AVEN: variants seen among roughly 807,000 people sequenced by gnomAD.
AVEN encodes cell death regulator Aven.
In AVEN, 41 loss-of-function variants were observed where a neutral mutation model predicts 38.1. The observed-to-expected ratio is 1.08, with a 90% CI of 0.84 to 1.40. AVEN has a LOEUF of 1.40. Among genes scored for constraint, AVEN ranks in the 40% most tolerant of loss-of-function variants. The pLI, the probability that AVEN is intolerant of heterozygous loss-of-function variation, is 0.00. For synonymous variants in AVEN, 206 were observed against 171.8 expected (o/e 1.20, Z -1.56); for missense variants, 605 against 438.8 (o/e 1.38, Z -3.38).
chr15:34,038,891 GCCCCGGCGTCCGCCTCCGT>G lies in AVEN; in HGVS notation c.137_155del (p.Asp46AlafsTer158). Reference sequence around the variant, plus strand: ...CGCGGAAGCCCCGGCCACGGCCACGGCCCCGGCGTCCGCCTCCGTCCCCGCCGCCGCCTCCGCCGCCGCC... The same window carrying G: ...CGCGGAAGCCCCGGCCACGGCCACGGCCCCGCCGCCGCCTCCGCCGCCGCC... On this transcript the variant is annotated frameshift_variant, in exon 1 of 6. Coordinates refer to ENST00000306730, the MANE Select transcript of AVEN (RefSeq NM_020371.3). LOFTEE classifies it high-confidence loss of function. 1.8e-6 allele frequency: 2 copies of G among 1,135,900 alleles called. No homozygotes were observed. Among genetic ancestry groups the G allele is most frequent in the East Asian group, 4.9e-5 (1 of 20,400 alleles). The allele number at this position is 1,135,900 out of a possible 1,614,324, so 70.4% of individuals were successfully genotyped here.
intron 2 of AVEN, among the ~76,000 whole-genome samples, chr15:33,911,495 G>T (rs1892918014): frequency 6.6e-6 from 1 of 152,106 alleles, no homozygotes; most frequent in Non-Finnish European, 1.5e-5. Flanking sequence ...TAGAAATAAT[G>T]CAATGCCCGG....
At chr15:34,030,075 G>A (rs1050117241) in intron 1 of AVEN, among the ~76,000 whole-genome samples, 1 of 152,006 alleles carries the variant, frequency 6.6e-6, no homozygotes, top group African/African-American at 2.4e-5. Context: ...CCAACATGGT[G>A]CGACCCCATC....
At chr15:34,019,558 C>A (rs186812223) in intron 1 of AVEN, among the ~76,000 whole-genome samples, 2 of 152,340 alleles carry the variant, frequency 1.3e-5, no homozygotes, top group Non-Finnish European at 2.9e-5. Context: ...TCACTCAGAG[C>A]AACTTTCAGT....
intron 2 of AVEN, among the ~76,000 whole-genome samples, chr15:33,911,133 C>A (rs1892902205): frequency 6.6e-6 from 1 of 152,256 alleles, no homozygotes; most frequent in South Asian, 2.1e-4. Flanking sequence ...TTATTCCTCT[C>A]AAGACCAACT....
chr15:33,915,728 G>C (rs1893111595), intron 2 of AVEN, among the ~76,000 whole-genome samples: 1 of 152,214 alleles, frequency 6.6e-6, no homozygotes, highest in African/African-American at 2.4e-5. Flanking sequence ...ACAGCAGGTG[G>C]GGAGGCCTGA....
chr15:34,003,003 A>C (rs1897196797), intron 2 of AVEN, 29 bp downstream of exon 2: 2 of 1,584,084 alleles, frequency 1.3e-6, no homozygotes, highest in Non-Finnish European at 1.7e-6. Flanking sequence ...CAGAGCACTA[A>C]ACAGTATGCA....
At chr15:34,013,248 G>C (rs1897716402) in intron 1 of AVEN, among the ~76,000 whole-genome samples, 1 of 152,146 alleles carries the variant, frequency 6.6e-6, no homozygotes, top group South Asian at 2.1e-4. Context: ...TTTTAGCAGA[G>C]GTGGGGTTTC....
At chr15:33,860,305 C>G (rs2080203780) in intron 11 of AVEN, among the ~76,000 whole-genome samples, 1 of 151,882 alleles carries the variant, frequency 6.6e-6, no homozygotes, top group Non-Finnish European at 1.5e-5. Context: ...AGACTGAACA[C>G]AAATAGCTAA....
chr15:33,869,990 T>G (rs988060370), intron 4 of AVEN, among the ~76,000 whole-genome samples: 5 of 152,178 alleles, frequency 3.3e-5, no homozygotes, highest in Admixed American at 6.5e-5. Flanking sequence ...TTCAGTTGAC[T>G]GTTATTTCCA....
At chr15:34,020,468 T>C (rs1898155738) in intron 1 of AVEN, among the ~76,000 whole-genome samples, 1 of 152,230 alleles carries the variant, frequency 6.6e-6, no homozygotes, top group Non-Finnish European at 1.5e-5. Flanking sequence ...TCTTAAAGCA[T>C]GTAGATCATC....
chr15:33,937,875 A>T (rs998229695), intron 2 of AVEN, among the ~76,000 whole-genome samples: 1 of 139,214 alleles, frequency 7.2e-6, no homozygotes, highest in South Asian at 2.4e-4. Context: ...CTGTTGTTTA[A>T]GTCATCCAGT....
intron 2 of AVEN, among the ~76,000 whole-genome samples, chr15:33,963,320 TCCAAGAGGA>T (rs1431410106): frequency 6.6e-6 from 1 of 152,158 alleles, no homozygotes; most frequent in Non-Finnish European, 1.5e-5. Context: ...AGACAAGAGA[TCCAAGAGGA>T]AGATAGATCC....
At chr15:33,971,802 G>A (rs926921925) in intron 2 of AVEN, among the ~76,000 whole-genome samples, 1 of 151,906 alleles carries the variant, frequency 6.6e-6, no homozygotes, top group Non-Finnish European at 1.5e-5. Flanking sequence ...TCCTTATTAT[G>A]GTTAATTTTC....
chr15:34,042,861 C>T (rs931871589), upstream of AVEN, among the ~76,000 whole-genome samples: 3 of 152,094 alleles, frequency 2.0e-5, no homozygotes, highest in Admixed American at 2.0e-4. Flanking sequence ...TCTTAATAAA[C>T]CTGCCAGTTG....
intron 2 of AVEN, among the ~76,000 whole-genome samples, chr15:33,982,982 GACTGCACCTCTTA>G (rs11276059): frequency 0.26 from 39,748 of 151,426 alleles, 7,217 homozygotes; most frequent in African/African-American, 0.5. Context: ...ATTTTTGAAA[GACTGCACCTCTTA>G]ACTGCATGGA....
rs1281393384 is a variant in AVEN, at chr15:34,063,822, C to T, written n.1127-390G>A. 6.2e-7 allele frequency: 1 copy of T among 1,614,050 alleles called. No homozygotes were observed. Among genetic ancestry groups the T allele is most frequent in the African/African-American group, 1.3e-5 (1 of 74,914 alleles). ...CTACCTTCTGTCTCCAGCAGCTGCTCATAGACCCAAGAGTCAGAAATGTGT... is the reference window on the plus strand; with the variant it reads ...CTACCTTCTGTCTCCAGCAGCTGCTTATAGACCCAAGAGTCAGAAATGTGT... On this transcript the variant is annotated intron_variant and non_coding_transcript_variant, in intron 4 of 11. Coordinates refer to the AVEN transcript ENST00000675287. The surrounding 1 kb of genome is among the most constrained non-coding windows in gnomAD (Gnocchi z 4.1).
chr15:34,061,015 C>CA lies in AVEN; in HGVS notation n.1637+1906dup, dbSNP rs1381204975. On this transcript the variant is annotated intron_variant and non_coding_transcript_variant, in intron 5 of 11. Coordinates refer to the AVEN transcript ENST00000675287. ...TGGGCAACAGAGCGAGACTCCGTCT[C>CA]AAAAAAAAAAAAAAAGATTTTTTTT... Among the ~76,000 whole-genome samples, 434 of 77,880 alleles carry CA rather than the reference C, an allele frequency of 5.6e-3. 3 individuals are homozygous for CA. The highest frequency in any genetic ancestry group is 0.011 in the African/African-American group (239 of 21,398). The allele number at this position is 77,880 out of a possible 152,430, so 51.1% of individuals were successfully genotyped here. A position where few individuals can be genotyped will look rare whatever the true frequency, so the allele number is the denominator to read the frequency against.
rs1463665460 is a variant in AVEN at position 33,877,542 on chromosome 15, C to T, written c.446-1547G>A. 3.3e-5 allele frequency among the ~76,000 whole-genome samples: 5 copies of T among 152,312 alleles called. No individual in the cohort carries two copies. In the East Asian group the frequency reaches 5.8e-4, roughly 18 times the overall value. Reference sequence around the variant, plus strand: ...TGAGAAAACAAAAGGGGGCCGGGCGCGGTGGCTCACGCCTACAATCCCAGC... The same window carrying T: ...TGAGAAAACAAAAGGGGGCCGGGCGTGGTGGCTCACGCCTACAATCCCAGC... On this transcript the variant is annotated intron_variant, in intron 2 of 5. Transcript: ENST00000306730.
chr15:33,951,093 A>G (rs1046857100), intron 2 of AVEN, among the ~76,000 whole-genome samples: 2 of 151,878 alleles, frequency 1.3e-5, no homozygotes, highest in African/African-American at 4.8e-5. Context: ...GGGGGGAGGA[A>G]GAAAACAAAC....
Sources: allele counts gnomAD v4.1 joint callset (sites outside exome capture counted in the v4.1 genomes callset), GRCh38; gene constraint gnomAD v4.1.1; non-coding constraint Gnocchi (gnomAD v3.1); transcripts MANE v1.5; gene names NCBI Gene and HGNC (gene_info 2026-07-23, HGNC 2026-07-21).